KALRN: variants seen among roughly 807,000 people sequenced by gnomAD.
The protein encoded by KALRN is kalirin.
Under a neutral mutation model 353.7 loss-of-function variants are expected in KALRN, and 70 were observed. The ratio of observed to expected loss-of-function variants is 0.20; its 90% CI spans 0.16 to 0.24. The LOEUF (loss-of-function observed/expected upper bound fraction) is 0.24, where lower values mean the gene tolerates loss of function less well. Among genes scored for constraint, KALRN ranks in the 10% least tolerant of loss-of-function variants. The pLI, the probability that KALRN is intolerant of heterozygous loss-of-function variation, is 1.00. For missense variants in KALRN, 2,791 were observed against 3,756.7 expected (o/e 0.74, Z 6.72); for synonymous variants, 1,391 against 1,434.8 (o/e 0.97, Z 0.69).
At chr3:124,438,865 T>C in intron 17 of KALRN, 23 bp from the exon 18 acceptor site, 1 of 1,594,850 alleles carries the variant, frequency 6.3e-7, no homozygotes, top group Non-Finnish European at 8.6e-7. Flanking sequence ...ATTTACTGAG[T>C]CTTTTCTTCC....
intron 1 of KALRN, among the ~76,000 whole-genome samples, chr3:124,063,137 CGGAGGTGAGAACAGCA>C (rs2042098180): frequency 6.6e-6 from 1 of 151,968 alleles, no homozygotes; most frequent in Non-Finnish European, 1.5e-5. Flanking sequence ...CTAGGACAGC[CGGAGGTGAGAACAGCA>C]GGAGAGAAGA....
In KALRN at chr3:124,719,693, G is replaced by A; in HGVS notation, c.*223G>A. 2 of 524,116 alleles carry A rather than the reference G, an allele frequency of 3.8e-6. No homozygotes were observed. The highest frequency in any genetic ancestry group is 2.5e-5 in the South Asian group (1 of 39,608). 32.5% of individuals were successfully genotyped at this position (524,116 alleles called of 1,614,324 possible). A position where few individuals can be genotyped will look rare whatever the true frequency, so the allele number is the denominator to read the frequency against. On this transcript the variant is annotated 3_prime_UTR_variant, in exon 60 of 60. Coordinates refer to ENST00000682506, the MANE Select transcript of KALRN (RefSeq NM_001388419.1). This position sits in a 1 kb window ranked among gnomAD's most constrained non-coding sequence, Gnocchi z 5.3. ...GAAGGTCATTCTGAAGAAATAAAGA[G>A]GCAAAGGGTCACAGAAGTGTTCAGA...
chr3:124,314,056 T>C (rs182353611), intron 6 of KALRN, among the ~76,000 whole-genome samples: 1 of 152,168 alleles, frequency 6.6e-6, no homozygotes, highest in Admixed American at 6.5e-5. Flanking sequence ...CACACGTATG[T>C]TTATTGCGGC....
At chr3:124,658,642 T>A in intron 42 of KALRN, 125 bp downstream of exon 42, 2 of 732,608 alleles carry the variant, frequency 2.7e-6, no homozygotes, top group Non-Finnish European at 4.9e-6. Context: ...GACCCATTCA[T>A]GGCAGGAATA....
chr3:124,490,522 A>G (rs1248682392), intron 29 of KALRN, among the ~76,000 whole-genome samples, 172 bp from the exon 30 acceptor site: 1 of 152,102 alleles, frequency 6.6e-6, no homozygotes, highest in Non-Finnish European at 1.5e-5. Flanking sequence ...TGCAATTCTC[A>G]GAGATGTCTA....
chr3:124,675,155 T>C (rs1157694907), intron 49 of KALRN: 1 of 152,162 alleles, frequency 6.6e-6, no homozygotes, highest in Non-Finnish European at 1.5e-5. Flanking sequence ...ATTGTAACTT[T>C]TTAAAAATTT....
intron 51 of KALRN, among the ~76,000 whole-genome samples, chr3:124,692,013 A>G (rs1182832175): frequency 6.6e-6 from 1 of 152,236 alleles, no homozygotes; most frequent in Non-Finnish European, 1.5e-5. Context: ...ATCCAAGATC[A>G]GTTCCCTGGA....
At chr3:124,145,206 C>T (rs2067181559) in intron 1 of KALRN, among the ~76,000 whole-genome samples, 1 of 152,166 alleles carries the variant, frequency 6.6e-6, no homozygotes, top group South Asian at 2.1e-4. Flanking sequence ...ATCCTCCTCC[C>T]TTTATCGATC....
chr3:124,295,454 C>G (rs554452872), intron 5 of KALRN, among the ~76,000 whole-genome samples: 1 of 152,332 alleles, frequency 6.6e-6, no homozygotes, highest in East Asian at 1.9e-4. Context: ...CAACTCTCAC[C>G]TGTCTTTAAC....
chr3:124,523,474 AAC>A (rs1465225446), intron 33 of KALRN, among the ~76,000 whole-genome samples: 3 of 152,250 alleles, frequency 2.0e-5, no homozygotes, highest in Non-Finnish European at 2.9e-5. Context: ...CCTAAGCTAG[AAC>A]TTAGCATTAT....
intron 57 of KALRN, among the ~76,000 whole-genome samples, chr3:124,710,597 G>A (rs904249025): frequency 2.0e-5 from 3 of 152,106 alleles, no homozygotes; most frequent in Non-Finnish European, 2.9e-5. Flanking sequence ...GACCAGCCTC[G>A]GCAATATGGC....
intron 33 of KALRN, among the ~76,000 whole-genome samples, chr3:124,526,142 T>C (rs548465018): frequency 1.3e-5 from 2 of 152,328 alleles, no homozygotes; most frequent in East Asian, 1.9e-4. Context: ...ATGAGCCTAG[T>C]GAGTGTGATG....
chr3:124,309,816 A>C (rs1308600443), intron 6 of KALRN, among the ~76,000 whole-genome samples: 1 of 152,230 alleles, frequency 6.6e-6, no homozygotes, highest in Non-Finnish European at 1.5e-5. Context: ...ACAAAAATTC[A>C]CAGCTATTGT....
chr3:124,079,345 C>A (rs899510534), intron 1 of KALRN, among the ~76,000 whole-genome samples: 1 of 152,164 alleles, frequency 6.6e-6, no homozygotes, highest in African/African-American at 2.4e-5. Flanking sequence ...GATTAAGAAT[C>A]ATTGTGATGG....
chr3:124,355,250 T>C (rs1477160432), intron 10 of KALRN, among the ~76,000 whole-genome samples: 2 of 152,226 alleles, frequency 1.3e-5, no homozygotes, highest in Non-Finnish European at 2.9e-5. Context: ...TGTTAAAGGC[T>C]TTTGAGTGAT....
At chr3:124,592,704 C>G (rs1007450419) in intron 34 of KALRN, among the ~76,000 whole-genome samples, 2 of 152,212 alleles carry the variant, frequency 1.3e-5, no homozygotes, top group African/African-American at 4.8e-5. Context: ...TTCCCCCTCC[C>G]TTGTAGGTGA....
intron 1 of KALRN, among the ~76,000 whole-genome samples, chr3:124,074,304 T>G (rs1171053774): frequency 6.6e-6 from 1 of 152,194 alleles, no homozygotes; most frequent in Non-Finnish European, 1.5e-5. Context: ...TGCCCTGAAT[T>G]TCTAAAGCTG....
rs554217593 is a variant in KALRN at position 124,324,752 on chromosome 3, C to T, written c.1093-1228C>T. Among the ~76,000 whole-genome samples the T allele has an allele frequency of 7.9e-5, 12 of 152,210 alleles. No homozygotes were observed. The South Asian group carries it at 2.3e-3, about 29-fold the overall frequency. ...AGGTCAGGGACAGCTAAGACGAATG[C>T]GGACCATGAGGGAAGTGAGAAAGGA... On this transcript the variant is annotated intron_variant, in intron 6 of 59. Transcript: ENST00000682506.
intron 25 of KALRN, among the ~76,000 whole-genome samples, chr3:124,465,066 A>G (rs2060201825): frequency 2.6e-5 from 4 of 152,140 alleles, no homozygotes; most frequent in Admixed American, 2.6e-4. Context: ...AAAATAAATT[A>G]ATGGTTTAAT....
Sources: allele counts gnomAD v4.1 joint callset (sites outside exome capture counted in the v4.1 genomes callset), GRCh38; gene constraint gnomAD v4.1.1; non-coding constraint Gnocchi (gnomAD v3.1); transcripts MANE v1.5; gene names NCBI Gene and HGNC (gene_info 2026-07-23, HGNC 2026-07-21).